The following AJAP1 variants were observed in gnomAD, a reference collection of about 807,000 sequenced individuals.
The protein encoded by AJAP1 is adherens junction-associated protein 1.
Under a neutral mutation model 35.0 loss-of-function variants are expected in AJAP1, and 5 were observed. The observed-to-expected ratio is 0.14, with a 90% CI of 0.07 to 0.30. The LOEUF (loss-of-function observed/expected upper bound fraction) is 0.30, where lower values mean the gene tolerates loss of function less well. Among genes scored for constraint, AJAP1 ranks in the 10% least tolerant of loss-of-function variants. The pLI is 1.00. For synonymous variants in AJAP1, 284 were observed against 249.3 expected (o/e 1.14, Z -1.31); for missense variants, 586 against 571.0 (o/e 1.03, Z -0.27).
intron 1 of AJAP1, among the ~76,000 whole-genome samples, chr1:4,684,517 G>A (rs560019547): frequency 4.6e-5 from 7 of 152,288 alleles, no homozygotes; most frequent in Non-Finnish European, 4.4e-5. Context: ...AGTACCTTGA[G>A]CACATTCTCA....
chr1:4,657,654 G>A (rs551446771), intron 1 of AJAP1, among the ~76,000 whole-genome samples: 1 of 151,288 alleles, frequency 6.6e-6, no homozygotes, highest in African/African-American at 2.4e-5. Flanking sequence ...TCCAGCTGGG[G>A]TGGCAGAAGG....
chr1:4,690,200 T>A (rs1041000856), intron 1 of AJAP1, among the ~76,000 whole-genome samples: 13 of 152,100 alleles, frequency 8.5e-5, no homozygotes, highest in African/African-American at 2.9e-4. Context: ...GATGCGCCCA[T>A]CCAGACCCTC....
intron 2 of AJAP1, among the ~76,000 whole-genome samples, chr1:4,739,629 C>T (rs1348343975): frequency 2.0e-5 from 3 of 152,220 alleles, no homozygotes; most frequent in South Asian, 4.1e-4. Context: ...CGTGTTCTCT[C>T]ACTGCACAGA....
Position 4,763,757 on chromosome 1 carries a change from C to G in AJAP1, c.830-6096C>G, listed in dbSNP as rs113189255. Among the ~76,000 whole-genome samples the G allele has an allele frequency of 9.2e-3, 1,384 of 150,876 alleles. 25 individuals are homozygous for G. The highest frequency in any genetic ancestry group is 0.032 in the African/African-American group (1,303 of 40,984). ...CTTTCTCTACGCCCTTTCTCCCTCT[C>G]CCTCTGTCTCTCTCTTCCTCCCTCT... is the stretch of plus-strand genomic sequence containing the variant. On this transcript the variant is annotated intron_variant, in intron 2 of 5. Transcript: ENST00000378191.
At chr1:4,764,614 C>T (rs929782921) in intron 2 of AJAP1, among the ~76,000 whole-genome samples, 1 of 152,240 alleles carries the variant, frequency 6.6e-6, no homozygotes, top group African/African-American at 2.4e-5. Flanking sequence ...ACCTATCAAA[C>T]TTACACTTGT....
Position 4,671,616 on chromosome 1 carries a change from T to C in AJAP1, c.29+16162T>C, listed in dbSNP as rs896665244. Among the ~76,000 whole-genome samples the C allele has an allele frequency of 2.0e-5, 3 of 151,874 alleles. No homozygotes were observed. The Middle Eastern group carries it at 0.01, about 517-fold the overall frequency. On this transcript the variant is annotated intron_variant, in intron 1 of 5. Coordinates refer to ENST00000378191, the MANE Select transcript of AJAP1 (RefSeq NM_018836.4). ...CAGGAACAAATGCACCCACCAACTC[T>C]AGCAATTCTTCCTCACACACCTCTT...
chr1:4,675,872 A>T (rs984581187), intron 1 of AJAP1, among the ~76,000 whole-genome samples: 1 of 152,188 alleles, frequency 6.6e-6, no homozygotes, highest in African/African-American at 2.4e-5. Context: ...GAGAAGATGG[A>T]TGGTGAGTGG....
intron 2 of AJAP1, among the ~76,000 whole-genome samples, chr1:4,763,753 C>A (rs1365570780): frequency 4.6e-5 from 7 of 151,068 alleles, no homozygotes; most frequent in Admixed American, 4.6e-4. Flanking sequence ...CCCTTTCTCC[C>A]TCTCCCTCTG....
rs752142316 is a variant in AJAP1 at position 4,731,174 on chromosome 1, G to A, written c.829+18475G>A. 2.0e-5 allele frequency among the ~76,000 whole-genome samples: 3 copies of A among 152,086 alleles called. 1 individual carries two copies. The highest frequency in any genetic ancestry group is 4.4e-5 in the Non-Finnish European group (3 of 68,026). ...TGGCTCACTGCAACCTCCGCCTTCC[G>A]GGTTCAAGCGATTCTCTTGCCTCGG... On this transcript the variant is annotated intron_variant, in intron 2 of 5. Transcript: ENST00000378191.
chr1:4,747,243 G>A lies in AJAP1; in HGVS notation c.830-22610G>A, dbSNP rs540859756. Among the ~76,000 whole-genome samples, 3 of 152,240 alleles carry A rather than the reference G, an allele frequency of 2.0e-5. No individual in the cohort carries two copies. The South Asian group carries it at 6.2e-4, about 32-fold the overall frequency. Reference sequence around the variant, plus strand: ...AGGGCTCTGTGCATGTCCTGACTTGGCTGCACTCTGGCCCTCTCCACTTGC... The same window carrying A: ...AGGGCTCTGTGCATGTCCTGACTTGACTGCACTCTGGCCCTCTCCACTTGC... On this transcript the variant is annotated intron_variant, in intron 2 of 5. Transcript: ENST00000378191.
intron 2 of AJAP1, among the ~76,000 whole-genome samples, chr1:4,745,737 T>C (rs1641172786): frequency 6.6e-6 from 1 of 152,048 alleles, no homozygotes; most frequent in East Asian, 1.9e-4. Flanking sequence ...GTGGGGATGG[T>C]GGGTGGAGTC....
intron 2 of AJAP1, among the ~76,000 whole-genome samples, chr1:4,754,930 T>C (rs1305537917): frequency 6.6e-6 from 1 of 152,204 alleles, no homozygotes; most frequent in African/African-American, 2.4e-5. Context: ...ATGTCCTGAC[T>C]TGCAACAGCC....
intron 5 of AJAP1, among the ~76,000 whole-genome samples, chr1:4,777,989 C>T (rs576773142): frequency 2.0e-4 from 30 of 152,260 alleles, no homozygotes; most frequent in Admixed American, 1.2e-3. Flanking sequence ...TGCTCTGCCC[C>T]GGGGACACCT....
intron 2 of AJAP1, among the ~76,000 whole-genome samples, chr1:4,716,844 A>G (rs751533424): frequency 6.6e-6 from 1 of 152,146 alleles, no homozygotes; most frequent in African/African-American, 2.4e-5. Flanking sequence ...TTACTGCTCT[A>G]TTGAGGGGTC....
rs7512563 is a variant in AJAP1 at position 4,766,911 on chromosome 1, C to T, written c.830-2942C>T. On this transcript the variant is annotated intron_variant, in intron 2 of 5. Coordinates refer to ENST00000378191, the MANE Select transcript of AJAP1 (RefSeq NM_018836.4). ...AATGTGGGGTGGAGATGGGTTACATCGATCCCAGGTGTGAAGGCTTAGCTA... is the reference window on the plus strand; with the variant it reads ...AATGTGGGGTGGAGATGGGTTACATTGATCCCAGGTGTGAAGGCTTAGCTA... 3.2e-3 allele frequency among the ~76,000 whole-genome samples: 487 copies of T among 152,190 alleles called. 1 individual carries two copies. The highest frequency in any genetic ancestry group is 0.011 in the African/African-American group (464 of 41,518).
chr1:4,749,975 TGA>T (rs1254415341), intron 2 of AJAP1, among the ~76,000 whole-genome samples: 1 of 152,142 alleles, frequency 6.6e-6, no homozygotes, highest in East Asian at 1.9e-4. Flanking sequence ...TGTTTGTGTG[TGA>T]GTGGGCATAG....
Position 4,723,162 on chromosome 1 carries a change from A to T in AJAP1, c.829+10463A>T, listed in dbSNP as rs1343562750. On this transcript the variant is annotated intron_variant, in intron 2 of 5. Transcript: ENST00000378191. The surrounding 1 kb of genome is among the most constrained non-coding windows in gnomAD (Gnocchi z 4.3). ...GGTCCCTGAGGTTTTAGTCTGAGCAACTCTTTCTTCAGCTGAAAGGGGTGC... is the reference window on the plus strand; with the variant it reads ...GGTCCCTGAGGTTTTAGTCTGAGCATCTCTTTCTTCAGCTGAAAGGGGTGC... 6.6e-6 allele frequency among the ~76,000 whole-genome samples: 1 copy of T among 151,982 alleles called. No individual in the cohort carries two copies. The highest frequency in any genetic ancestry group is 1.9e-4 in the East Asian group (1 of 5,160).
intron 1 of AJAP1, among the ~76,000 whole-genome samples, chr1:4,689,189 C>T (rs1197713692): frequency 6.6e-6 from 1 of 152,094 alleles, no homozygotes; most frequent in Non-Finnish European, 1.5e-5. Flanking sequence ...AGAAACACAC[C>T]GACGTCCTCG....
chr1:4,761,528 G>A (rs9426481), intron 2 of AJAP1, among the ~76,000 whole-genome samples: 1 of 152,086 alleles, frequency 6.6e-6, no homozygotes, highest in Non-Finnish European at 1.5e-5. Context: ...ATGGCCATTG[G>A]CCATCGGCCA....
Sources: allele counts gnomAD v4.1 joint callset (sites outside exome capture counted in the v4.1 genomes callset), GRCh38; gene constraint gnomAD v4.1.1; non-coding constraint Gnocchi (gnomAD v3.1); transcripts MANE v1.5; gene names NCBI Gene and HGNC (gene_info 2026-07-23, HGNC 2026-07-21).